Variants in ATAD1 observed in about 807,000 individuals in gnomAD.
ATAD1 encodes the protein outer mitochondrial transmembrane helix translocase.
ATAD1 carries 18 observed loss-of-function variants against 42.7 expected under a neutral mutation model. That is an observed-to-expected ratio of 0.42 (90% confidence interval 0.29 to 0.63). The LOEUF is 0.63. Ranked by LOEUF, ATAD1 falls within the 20% of genes least tolerant of loss-of-function variation. ATAD1 has a pLI of 0.19. For missense variants in ATAD1, 294 were observed against 440.4 expected, an observed-to-expected ratio of 0.67 and a Z score of 2.98; for synonymous variants, 132 against 143.1, an observed-to-expected ratio of 0.92 and a Z score of 0.55.
chr10:87,801,721 T>C (rs1343677634), intron 2 of ATAD1, among the ~76,000 whole-genome samples: 1 of 152,230 alleles, frequency 6.6e-6, no homozygotes, highest in African/African-American at 2.4e-5. Context: ...AATTGTTACC[T>C]TCTTTTGGTC....
chr10:87,826,852 CAT>C (rs1857739057), intron 1 of ATAD1, among the ~76,000 whole-genome samples: 1 of 152,160 alleles, frequency 6.6e-6, no homozygotes, highest in Non-Finnish European at 1.5e-5. Flanking sequence ...GATGACTAAT[CAT>C]ATTTCTTCAG....
chr10:87,828,038 G>T (rs1447548796), intron 1 of ATAD1, among the ~76,000 whole-genome samples: 2 of 151,982 alleles, frequency 1.3e-5, no homozygotes, highest in African/African-American at 2.4e-5. Flanking sequence ...GCTCACTGTG[G>T]CCTCAAATTC....
chr10:87,826,180 G>A (rs1274665124), intron 1 of ATAD1, among the ~76,000 whole-genome samples: 1 of 152,054 alleles, frequency 6.6e-6, no homozygotes, highest in African/African-American at 2.4e-5. Flanking sequence ...AACAACAAAG[G>A]GGAAAAAGAA....
At chr10:87,760,317 A>C (rs920136748) in intron 8 of ATAD1, among the ~76,000 whole-genome samples, 1 of 152,042 alleles carries the variant, frequency 6.6e-6, no homozygotes, top group African/African-American at 2.4e-5. Context: ...ATAGTGAGTG[A>C]GTTCTCTCAA....
intron 1 of ATAD1, among the ~76,000 whole-genome samples, chr10:87,825,074 A>G (rs143195555): frequency 3.9e-5 from 6 of 152,278 alleles, no homozygotes; most frequent in Non-Finnish European, 7.4e-5. Flanking sequence ...TGAATTTCTA[A>G]AGATTGAAAC....
rs759018303 is a variant in ATAD1, at chr10:87,754,828, T to C, written c.966-21A>G. 3.1e-6 allele frequency: 5 copies of C among 1,604,828 alleles called. No individual in the cohort carries two copies. The East Asian group carries it at 9.0e-5, about 29-fold the overall frequency. On this transcript the variant is annotated intron_variant, in intron 9 of 9. Coordinates refer to ENST00000680024, the MANE Select transcript of ATAD1 (RefSeq NM_001321967.2). ...CATGGCTAAAATGCAAACAAAACCA[T>C]CAAATACTCAAATAACTTTAGAATA...
intron 2 of ATAD1, among the ~76,000 whole-genome samples, chr10:87,810,708 C>T (rs1474813836): frequency 6.6e-6 from 1 of 152,140 alleles, no homozygotes; most frequent in Admixed American, 6.5e-5. Flanking sequence ...CTTTCTGAAT[C>T]TATATTTTAG....
At position 87,835,574 on chromosome 10, in the gene ATAD1, C is replaced by T. The variant is rs184810604; in HGVS notation, c.-14+5613G>A. 1.7e-3 allele frequency among the ~76,000 whole-genome samples: 263 copies of T among 152,218 alleles called. 1 individual carries two copies. Among genetic ancestry groups the T allele is most frequent in the Middle Eastern group, 6.8e-3 (2 of 294 alleles). The stretch of plus-strand genomic sequence containing the variant: ...ATTGAGTTCTTTTTTACAACACATA[C>T]GTAGCTCAGTCATGTTTTTGCGTAC... On this transcript the variant is annotated intron_variant, in intron 1 of 4. Coordinates refer to the ATAD1 transcript ENST00000495903.
intron 8 of ATAD1, among the ~76,000 whole-genome samples, chr10:87,758,267 T>A (rs894107057): frequency 6.6e-6 from 1 of 151,966 alleles, no homozygotes; most frequent in Non-Finnish European, 1.5e-5. Flanking sequence ...TCAAAATACA[T>A]AGGTACCACT....
intron 1 of ATAD1, among the ~76,000 whole-genome samples, chr10:87,816,029 C>T (rs892446171): frequency 2.0e-5 from 3 of 152,108 alleles, no homozygotes; most frequent in African/African-American, 7.2e-5. Flanking sequence ...ACTTTATTTG[C>T]TCCATAAAGC....
chr10:87,771,397 A>G (rs1168052771), intron 6 of ATAD1, among the ~76,000 whole-genome samples: 2 of 152,190 alleles, frequency 1.3e-5, no homozygotes, highest in African/African-American at 4.8e-5. Context: ...TTGAATGACT[A>G]AAACCCATTA....
rs775643900 is a variant in ATAD1, at chr10:87,754,649, C to A, written c.*38G>T. 3.1e-6 allele frequency: 5 copies of A among 1,591,796 alleles called. No individual in the cohort carries two copies. Among genetic ancestry groups the A allele is most frequent in the Non-Finnish European group, 4.3e-6 (5 of 1,166,162 alleles). On this transcript the variant is annotated 3_prime_UTR_variant, in exon 10 of 10. Transcript: ENST00000680024. ...TCCACTAACTGATAAGAGGACACAC[C>A]AAACTAGATCACTGAACTGTACAAA...
At chr10:87,824,547 C>G (rs1857690892) in intron 1 of ATAD1, among the ~76,000 whole-genome samples, 1 of 152,162 alleles carries the variant, frequency 6.6e-6, no homozygotes, top group Admixed American at 6.5e-5. Flanking sequence ...TGAGACAATA[C>G]ATGTACAGTG....
rs186784713 is a variant in ATAD1 at position 87,759,062 on chromosome 10, G to A, written c.832-2140C>T. On this transcript the variant is annotated intron_variant, in intron 8 of 9. Coordinates refer to ENST00000680024, the MANE Select transcript of ATAD1 (RefSeq NM_001321967.2). The stretch of plus-strand genomic sequence containing the variant: ...GTTCATGTTACCCCGTGACACAGAA[G>A]CTTTAAGTCTGATTATAGTCAGACT... Among the ~76,000 whole-genome samples, 30 of 152,178 alleles carry A rather than the reference G, an allele frequency of 2.0e-4. No homozygotes were observed. The East Asian group carries it at 5.0e-3, about 25-fold the overall frequency.
intron 6 of ATAD1, among the ~76,000 whole-genome samples, chr10:87,773,733 G>C (rs1272809638): frequency 6.6e-6 from 1 of 152,080 alleles, no homozygotes; most frequent in East Asian, 1.9e-4. Context: ...AGATGAAGTG[G>C]CTCTGGAGAA....
chr10:87,801,067 G>A (rs11525279), intron 2 of ATAD1, among the ~76,000 whole-genome samples: 10,057 of 152,222 alleles, frequency 0.066, 798 homozygotes, highest in East Asian at 0.33. Flanking sequence ...AAAGGCTTAA[G>A]GAAGTTATAT....
chr10:87,768,052 T>A (rs913299108), intron 7 of ATAD1, among the ~76,000 whole-genome samples: 9 of 152,206 alleles, frequency 5.9e-5, no homozygotes, highest in Admixed American at 1.3e-4. Flanking sequence ...TTTTTTTCCC[T>A]TCATGCAGGA....
At chr10:87,801,667 T>C (rs965657036) in intron 2 of ATAD1, among the ~76,000 whole-genome samples, 7 of 152,258 alleles carry the variant, frequency 4.6e-5, no homozygotes, top group South Asian at 2.1e-4. Flanking sequence ...TTGTCAACTA[T>C]GTCTTTGACT....
intron 3 of ATAD1, 27 bp from the exon 4 acceptor site, chr10:87,790,457 T>G: frequency 6.3e-7 from 1 of 1,583,374 alleles, no homozygotes; most frequent in Non-Finnish European, 8.5e-7. Flanking sequence ...TCAACATGAA[T>G]TTTACTACAA....
Sources: allele counts gnomAD v4.1 joint callset (sites outside exome capture counted in the v4.1 genomes callset), GRCh38; gene constraint gnomAD v4.1.1; transcripts MANE v1.5; gene names NCBI Gene and HGNC (gene_info 2026-07-23, HGNC 2026-07-21).